ART3: variants seen among roughly 807,000 people sequenced by gnomAD.
The protein encoded by ART3 is ecto-ADP-ribosyltransferase 3.
Under a neutral mutation model 48.5 loss-of-function variants are expected in ART3, and 49 were observed. The observed-to-expected ratio is 1.01, with a 90% CI of 0.80 to 1.28. ART3 has a LOEUF of 1.28. Ranked by LOEUF, ART3 falls within the 50% of genes most tolerant of loss-of-function variation. ART3 has a pLI of 0.00. For missense variants in ART3, 438 were observed against 454.3 expected, an observed-to-expected ratio of 0.96 and a Z score of 0.33; for synonymous variants, 145 against 157.2, an observed-to-expected ratio of 0.92 and a Z score of 0.58.
chr4:76,095,827 G>A (rs1276152591), intron 3 of ART3, among the ~76,000 whole-genome samples: 3 of 152,106 alleles, frequency 2.0e-5, no homozygotes, highest in Non-Finnish European at 4.4e-5. Flanking sequence ...ACTTACATCT[G>A]TAGCTTTCTT....
chr4:76,107,609 C>A, intron 10 of ART3, 152 bp from the exon 11 acceptor site: 2 of 472,452 alleles, frequency 4.2e-6, no homozygotes, highest in Non-Finnish European at 7.7e-6. Context: ...TTAAACCCTT[C>A]CCCTAACCCC....
At chr4:76,025,458 A>G (rs539411447) in intron 1 of ART3, among the ~76,000 whole-genome samples, 1 of 152,334 alleles carries the variant, frequency 6.6e-6, no homozygotes, top group Admixed American at 6.5e-5. Flanking sequence ...TAGGGATAAA[A>G]TATTTGATTT....
intron 6 of ART3, 131 bp downstream of exon 6, chr4:76,100,451 T>TA (rs879634328): frequency 1.1e-5 from 10 of 915,386 alleles, no homozygotes; most frequent in African/African-American, 1.7e-5. Context: ...GCCAACATAG[T>TA]AAAACCCCAT....
At chr4:76,111,568 AG>A (rs762736179) in intron 11 of ART3, among the ~76,000 whole-genome samples, 2 of 150,678 alleles carry the variant, frequency 1.3e-5, no homozygotes, top group Non-Finnish European at 3.0e-5. Context: ...TTTGAGCTGG[AG>A]TCTTGCTCTA....
At chr4:76,066,235 C>G (rs1459041535) in intron 1 of ART3, among the ~76,000 whole-genome samples, 3 of 149,650 alleles carry the variant, frequency 2.0e-5, no homozygotes, top group Admixed American at 6.7e-5. Flanking sequence ...CTGTAAACCT[C>G]TGTTGCCAGT....
At chr4:76,012,973 A>G (rs893210305) in intron 1 of ART3, among the ~76,000 whole-genome samples, 2 of 152,206 alleles carry the variant, frequency 1.3e-5, no homozygotes, top group African/African-American at 4.8e-5. Flanking sequence ...CCAAACTTTT[A>G]TTCTTATGGT....
At chr4:76,110,370 T>A (rs1470779201) in intron 11 of ART3, among the ~76,000 whole-genome samples, 1 of 152,208 alleles carries the variant, frequency 6.6e-6, no homozygotes, top group Non-Finnish European at 1.5e-5. Context: ...TATGCTATTT[T>A]ATTTATTTAT....
At chr4:76,088,837 C>A (rs932855329) in intron 3 of ART3, among the ~76,000 whole-genome samples, 2 of 152,160 alleles carry the variant, frequency 1.3e-5, no homozygotes, top group African/African-American at 4.8e-5. Context: ...CACCGCCATA[C>A]TTGATATTTG....
chr4:76,079,017 C>G lies in ART3; in HGVS notation c.70-2807C>G, dbSNP rs541505924. Among the ~76,000 whole-genome samples, 14 of 152,132 alleles carry G rather than the reference C, an allele frequency of 9.2e-5. No individual in the cohort carries two copies. The East Asian group carries it at 2.1e-3, about 23-fold the overall frequency. On this transcript the variant is annotated intron_variant, in intron 2 of 11. Coordinates refer to ENST00000355810, the MANE Select transcript of ART3 (RefSeq NM_001130016.3). ...AATGGCGTGAACCCGGCAGGCGGAG[C>G]TTGCAGTGAGCCGAAATAGTGCCAC...
intron 1 of ART3, among the ~76,000 whole-genome samples, chr4:76,040,456 A>G (rs1285308640): frequency 4.0e-5 from 6 of 150,296 alleles, no homozygotes; most frequent in African/African-American, 1.2e-4. Flanking sequence ...ACACACACAC[A>G]CACACACACA....
intron 1 of ART3, among the ~76,000 whole-genome samples, chr4:76,061,040 T>A (rs1197718974): frequency 3.3e-5 from 5 of 152,210 alleles, no homozygotes; most frequent in South Asian, 2.1e-4. Context: ...AGATAAGAAA[T>A]GTGTATTATT....
At chr4:76,062,761 T>C (rs1202405276) in intron 1 of ART3, among the ~76,000 whole-genome samples, 1 of 151,790 alleles carries the variant, frequency 6.6e-6, no homozygotes, top group Non-Finnish European at 1.5e-5. Context: ...GGGGTTTCAT[T>C]GTGTTAGCCA....
intron 1 of ART3, among the ~76,000 whole-genome samples, chr4:76,015,708 C>G (rs1263825714): frequency 2.6e-5 from 4 of 152,212 alleles, no homozygotes; most frequent in African/African-American, 9.6e-5. Flanking sequence ...TTATGGTTCA[C>G]TACAGCCTCA....
intron 8 of ART3, among the ~76,000 whole-genome samples, chr4:76,103,048 GAAGTC>G (rs1727684009): frequency 6.6e-6 from 1 of 152,104 alleles, no homozygotes; most frequent in Non-Finnish European, 1.5e-5. Flanking sequence ...TTCTACTACA[GAAGTC>G]AAGTATAAGG....
chr4:76,099,062 A>C, intron 5 of ART3, 75 bp downstream of exon 5: 1 of 1,370,372 alleles, frequency 7.3e-7, no homozygotes, highest in Admixed American at 1.8e-5. Flanking sequence ...AGCGCTTTGG[A>C]AGGCCGAGGT....
intron 1 of ART3, among the ~76,000 whole-genome samples, chr4:76,068,240 T>A (rs960258240): frequency 2.0e-5 from 3 of 152,196 alleles, no homozygotes; most frequent in Non-Finnish European, 4.4e-5. Flanking sequence ...ATGTATATCA[T>A]CATGTAACAT....
At chr4:76,049,133 A>C (rs1735789455) in intron 1 of ART3, among the ~76,000 whole-genome samples, 1 of 152,030 alleles carries the variant, frequency 6.6e-6, no homozygotes, top group African/African-American at 2.4e-5. Context: ...GGCAAAAATC[A>C]TGTCTTTCTG....
intron 1 of ART3, among the ~76,000 whole-genome samples, chr4:76,049,625 C>G (rs548019560): frequency 8.3e-6 from 1 of 121,190 alleles, no homozygotes; most frequent in South Asian, 2.6e-4. Flanking sequence ...CCGACAGGTG[C>G]CCGGTATTTA....
intron 2 of ART3, among the ~76,000 whole-genome samples, chr4:76,078,653 T>C (rs1044679825): frequency 5.9e-5 from 2 of 34,166 alleles, no homozygotes; most frequent in Non-Finnish European, 1.1e-4. Flanking sequence ...TGGTGTTAAC[T>C]ATTTTTTGTT....
Sources: gnomAD v4.1 joint callset for allele counts (sites outside exome capture counted in the v4.1 genomes callset) on GRCh38, gnomAD v4.1.1 for gene constraint, MANE v1.5 for transcripts, NCBI Gene and HGNC (gene_info 2026-07-23, HGNC 2026-07-21) for gene names.